ASTN2: variants seen among roughly 807,000 people sequenced by gnomAD.
ASTN2 encodes the protein astrotactin 2.
A neutral mutation model predicts 139.8 loss-of-function variants in ASTN2; 54 were observed. The ratio of observed to expected loss-of-function variants is 0.39; its 90% CI spans 0.31 to 0.48. ASTN2 has a LOEUF of 0.48. ASTN2 is among the 20% of genes least tolerant of loss of function. The probability of loss-of-function intolerance (pLI) is 0.95; values close to 1 mark genes in which losing one functional copy is unlikely to be tolerated. For missense variants in ASTN2, 1,565 were observed against 1,725.1 expected, an observed-to-expected ratio of 0.91 and a Z score of 1.64; for synonymous variants, 756 against 719.5, an observed-to-expected ratio of 1.05 and a Z score of -0.81.
At chr9:116,588,750 T>A (rs569760694) in intron 19 of ASTN2, among the ~76,000 whole-genome samples, 1 of 152,286 alleles carries the variant, frequency 6.6e-6, no homozygotes, top group Non-Finnish European at 1.5e-5. Context: ...TACATACAGA[T>A]CTTAAGTGCA....
intron 16 of ASTN2, among the ~76,000 whole-genome samples, chr9:116,705,439 T>C (rs1827965292): frequency 6.6e-6 from 1 of 152,178 alleles, no homozygotes; most frequent in Admixed American, 6.5e-5. Flanking sequence ...GAAGAGTTTG[T>C]GTGAATGTAT....
intron 16 of ASTN2, among the ~76,000 whole-genome samples, chr9:116,717,346 T>C (rs1723215258): frequency 6.6e-6 from 1 of 152,200 alleles, no homozygotes; most frequent in Non-Finnish European, 1.5e-5. Context: ...CTCATGGGCC[T>C]ATTTGTGTTT....
chr9:116,651,638 G>A lies in ASTN2; in HGVS notation c.2962C>T (p.His988Tyr), dbSNP rs1216864308. The A allele has an allele frequency of 1.8e-5, 29 of 1,614,056 alleles. No individual in the cohort carries two copies. Among genetic ancestry groups the A allele is most frequent in the Non-Finnish European group, 2.3e-5 (27 of 1,180,050 alleles). Reference sequence around the variant, plus strand: ...TCCTTGCCTGGCCGGCGGCAAAGGTGACAGGTAGATGGACAGCGCCCCTTC... The same window carrying A: ...TCCTTGCCTGGCCGGCGGCAAAGGTAACAGGTAGATGGACAGCGCCCCTTC... ...EEKGRCPSTC[H>Y]LCRRPGKEQL... is the part of the protein sequence containing the mutation. The change falls in exon 17 of 23, where the codon CAC becomes TAC. Residue 988 changes from histidine (H) to tyrosine (Y), a missense_variant. By Grantham distance (83) the His-to-Tyr change is moderately conservative (BLOSUM62 2). This residue lies in a region of ASTN2 where 418 missense variants were observed against 465.8 expected (regional missense o/e 0.90). Coordinates refer to ENST00000313400, the MANE Select transcript of ASTN2 (RefSeq NM_001365068.1).
chr9:116,715,500 C>G (rs541791805), intron 16 of ASTN2, among the ~76,000 whole-genome samples: 2 of 152,258 alleles, frequency 1.3e-5, no homozygotes, highest in Admixed American at 1.3e-4. Context: ...AATGCCTACT[C>G]ACCCTTAGGT....
intron 5 of ASTN2, among the ~76,000 whole-genome samples, chr9:117,054,110 C>G (rs1284170322): frequency 2.0e-5 from 3 of 152,040 alleles, no homozygotes; most frequent in Non-Finnish European, 2.9e-5. Flanking sequence ...AAATCTCTAC[C>G]CATTTCAGGC....
At chr9:117,246,913 C>T (rs1345419446) in intron 2 of ASTN2, among the ~76,000 whole-genome samples, 1 of 152,052 alleles carries the variant, frequency 6.6e-6, no homozygotes, top group South Asian at 2.1e-4. Context: ...TGGATACCAG[C>T]CCTGGGGTGA....
chr9:117,284,859 T>C (rs931042331), intron 2 of ASTN2, among the ~76,000 whole-genome samples: 1 of 152,234 alleles, frequency 6.6e-6, no homozygotes, highest in Non-Finnish European at 1.5e-5. Context: ...AAGTCAGTTA[T>C]GGAGCCAGAA....
intron 5 of ASTN2, among the ~76,000 whole-genome samples, chr9:117,061,665 A>G (rs1367405922): frequency 2.0e-5 from 3 of 152,182 alleles, no homozygotes; most frequent in African/African-American, 7.2e-5. Context: ...TCTTTGTTAT[A>G]CAAGTTATTA....
At chr9:116,902,822 A>C (rs1034379485) in intron 10 of ASTN2, among the ~76,000 whole-genome samples, 5 of 152,174 alleles carry the variant, frequency 3.3e-5, no homozygotes, top group African/African-American at 1.2e-4. Flanking sequence ...ATCTGTTTAA[A>C]GCCTTCCACT....
At chr9:116,927,512 C>T (rs1219125728) in intron 10 of ASTN2, among the ~76,000 whole-genome samples, 1 of 152,192 alleles carries the variant, frequency 6.6e-6, no homozygotes, top group African/African-American at 2.4e-5. Flanking sequence ...ACAACACATG[C>T]ATAAGTATTC....
chr9:116,514,340 C>T (rs1051391530), intron 19 of ASTN2, among the ~76,000 whole-genome samples: 4 of 150,334 alleles, frequency 2.7e-5, no homozygotes, highest in South Asian at 2.1e-4. Context: ...GCAAATGTTG[C>T]GGCCTGATCG....
intron 1 of ASTN2, among the ~76,000 whole-genome samples, chr9:117,377,044 G>A (rs950558986): frequency 6.6e-6 from 1 of 152,184 alleles, no homozygotes; most frequent in African/African-American, 2.4e-5. Context: ...GAAAAGCTCA[G>A]CCATCCATCA....
chr9:116,731,504 C>A (rs920212684), intron 14 of ASTN2, among the ~76,000 whole-genome samples: 1 of 152,088 alleles, frequency 6.6e-6, no homozygotes, highest in Non-Finnish European at 1.5e-5. Flanking sequence ...CTCACTGCAA[C>A]CTCCACCTCC....
intron 13 of ASTN2, among the ~76,000 whole-genome samples, chr9:116,803,522 A>ATATATATATATATTTT (rs1554748694): frequency 9.5e-5 from 2 of 21,144 alleles, no homozygotes. Context: ...ATATATATAT[A>ATATATATATATATTTT]TTTTTTTTTT....
chr9:116,510,375 T>C (rs898608615), intron 19 of ASTN2, among the ~76,000 whole-genome samples: 1 of 152,124 alleles, frequency 6.6e-6, no homozygotes, highest in Non-Finnish European at 1.5e-5. Flanking sequence ...TATCTCTGGG[T>C]ACAAGTACCA....
At chr9:116,924,166 T>C (rs993170539) in intron 10 of ASTN2, among the ~76,000 whole-genome samples, 1 of 151,880 alleles carries the variant, frequency 6.6e-6, no homozygotes, top group Non-Finnish European at 1.5e-5. Flanking sequence ...CCCAGCACTT[T>C]GGGAGGCTGA....
intron 13 of ASTN2, among the ~76,000 whole-genome samples, chr9:116,750,961 G>T (rs1425070709): frequency 2.6e-5 from 4 of 152,172 alleles, no homozygotes; most frequent in Non-Finnish European, 4.4e-5. Context: ...AATCCAGTTT[G>T]TAAGACCCTG....
intron 11 of ASTN2, among the ~76,000 whole-genome samples, chr9:116,828,946 T>C (rs1395186968): frequency 1.3e-5 from 2 of 152,098 alleles, no homozygotes; most frequent in African/African-American, 2.4e-5. Flanking sequence ...TAGGAATATA[T>C]TTAACAAGGA....
intron 19 of ASTN2, among the ~76,000 whole-genome samples, chr9:116,521,344 A>G (rs1363390201): frequency 6.6e-6 from 1 of 152,074 alleles, no homozygotes; most frequent in Admixed American, 6.5e-5. Context: ...AATAAAGCCA[A>G]AGACTTATAG....
Sources: gnomAD v4.1 joint callset for allele counts (sites outside exome capture counted in the v4.1 genomes callset) on GRCh38, gnomAD v4.1.1 for gene constraint, gnomAD v4.1.1 regional missense constraint, MANE v1.5 for transcripts, NCBI Gene and HGNC (gene_info 2026-07-23, HGNC 2026-07-21) for gene names.